Variants in GALNT5 observed in about 807,000 individuals in gnomAD.
The protein encoded by GALNT5 is polypeptide N-acetylgalactosaminyltransferase 5, also known as UDP-GalNAc:polypeptide N-acetylgalactosaminyltransferase 5.
Under a neutral mutation model 85.4 loss-of-function variants are expected in GALNT5, and 72 were observed. That is an observed-to-expected ratio of 0.84 (90% CI 0.70 to 1.03). The LOEUF is 1.03. Among genes scored for constraint, GALNT5 ranks in the 50% least tolerant of loss-of-function variants. The probability of loss-of-function intolerance (pLI) is 0.00; values close to 1 mark genes in which losing one functional copy is unlikely to be tolerated. For synonymous variants in GALNT5, 404 were observed against 397.0 expected, an observed-to-expected ratio of 1.02 and a Z score of -0.21; for missense variants, 1,137 against 1,135.5, an observed-to-expected ratio of 1.00 and a Z score of -0.02.
chr2:157,281,422 G>A (rs371167657), intron 1 of GALNT5, among the ~76,000 whole-genome samples: 42 of 152,122 alleles, frequency 2.8e-4, no homozygotes, highest in Non-Finnish European at 4.9e-4. Context: ...GGTAGAGGCC[G>A]GAAGAATTCT....
Position 157,258,321 on chromosome 2 carries a change from G to C in GALNT5, c.239G>C (p.Gly80Ala). 6.3e-7 allele frequency: 1 copy of C among 1,598,134 alleles called. No individual in the cohort carries two copies. Among genetic ancestry groups the C allele is most frequent in the Non-Finnish European group, 8.5e-7 (1 of 1,174,174 alleles). ...SIKEMKPPLR[G>A]HGKGAWGKEN... ...AAAGAGATGAAACCTCCCCTAAGGG[G>C]ACATGGGAAAGGGGCATGGGGCAAA... Residue 80 changes from glycine (G) to alanine (A), a missense_variant, in exon 1 of 10, where the codon GGA becomes GCA. Gly to Ala is a moderately conservative substitution (Grantham distance 60, BLOSUM62 0). Coordinates refer to ENST00000259056, the MANE Select transcript of GALNT5 (RefSeq NM_014568.3).
At position 157,258,711 on chromosome 2, in the gene GALNT5, T is replaced by C; in HGVS notation, c.629T>C (p.Leu210Pro). The C allele has an allele frequency of 6.2e-7, 1 of 1,613,816 alleles. No homozygotes were observed. The highest frequency in any genetic ancestry group is 8.5e-7 in the Non-Finnish European group (1 of 1,179,954). Residue 210 changes from leucine (L) to proline (P), a missense_variant, in exon 1 of 10, where the codon CTA becomes CCA. Leu to Pro is a moderately conservative substitution (Grantham distance 98). Coordinates refer to ENST00000259056, the MANE Select transcript of GALNT5 (RefSeq NM_014568.3). ...AGTCCCAGCAGTGACACATCAAAAC[T>C]AGCAGCTGAAAGGGACTTGAATGTG... ...SHSPSSDTSK[L>P]AAERDLNVTI...
At chr2:157,259,659 CA>C (rs1682294474) in intron 1 of GALNT5, 123 bp downstream of exon 1, 2 of 620,400 alleles carry the variant, frequency 3.2e-6, no homozygotes, top group African/African-American at 3.8e-5. Flanking sequence ...AAACATTAAT[CA>C]TTGGATATCA....
chr2:157,295,643 G>T lies in GALNT5; in HGVS notation c.1742-20G>T, dbSNP rs750105310. 2.7e-5 allele frequency: 43 copies of T among 1,600,726 alleles called. No homozygotes were observed. Among genetic ancestry groups the T allele is most frequent in the Non-Finnish European group, 3.3e-5 (39 of 1,172,970 alleles). ...ATATATCGTATTTTCTAAGTTTTTT[G>T]TGTGTGTTTGGCCCTCTAGGTGATG... On this transcript the variant is annotated intron_variant, in intron 3 of 9. Transcript: ENST00000259056.
chr2:157,306,811 A>G (rs1264806965), intron 8 of GALNT5, among the ~76,000 whole-genome samples: 2 of 152,196 alleles, frequency 1.3e-5, no homozygotes, highest in African/African-American at 4.8e-5. Context: ...TGCTATATTT[A>G]GCTGTGAATT....
intron 1 of GALNT5, among the ~76,000 whole-genome samples, chr2:157,277,513 G>A (rs1682759293): frequency 6.6e-6 from 1 of 152,150 alleles, no homozygotes; most frequent in Admixed American, 6.5e-5. Context: ...CCTGTATTGG[G>A]TGCATATATA....
chr2:157,259,423 C>T lies in GALNT5; in HGVS notation c.1341C>T (p.Val447=), dbSNP rs774456628. The T allele has an allele frequency of 2.7e-6, 4 of 1,477,394 alleles. No individual in the cohort carries two copies. The Middle Eastern group carries it at 5.5e-4, about 202-fold the overall frequency. 91.5% of individuals were successfully genotyped at this position (1,477,394 alleles called of 1,614,324 possible). Residue 447 remains valine, a synonymous_variant, in exon 1 of 10, where the codon GTC becomes GTT. Transcript: ENST00000259056. ...APGQFGRPVV[V]PHGKEKEAER... ...GGCAGTTTGGGCGTCCTGTAGTTGT[C>T]CCCCATGGAAAGGAGAAGGAGGCAG...
chr2:157,308,684 C>T lies in GALNT5; in HGVS notation c.2638C>T (p.Leu880=), dbSNP rs778823232. The T allele has an allele frequency of 9.3e-6, 15 of 1,613,472 alleles. No individual in the cohort carries two copies. The highest frequency in any genetic ancestry group is 1.1e-5 in the Non-Finnish European group (13 of 1,179,726). Residue 880 remains leucine (L), a synonymous_variant, in exon 9 of 10, where the codon CTA becomes TTA. Transcript: ENST00000259056. The part of the protein sequence containing the change: ...LHPCDNRNKG[L]KWLHKSTSVF... ...CCCTTGTGATAACAGAAACAAAGGGCTAAAATGGCTGCATAAATCAACATC... is the reference window on the plus strand; with the variant it reads ...CCCTTGTGATAACAGAAACAAAGGGTTAAAATGGCTGCATAAATCAACATC...
At chr2:157,281,600 C>G (rs1682856128) in intron 1 of GALNT5, among the ~76,000 whole-genome samples, 1 of 150,928 alleles carries the variant, frequency 6.6e-6, no homozygotes, top group African/African-American at 2.5e-5. Context: ...GAGCAAGACT[C>G]TATTTCAGAA....
At chr2:157,303,366 T>G (rs1683382721) in intron 7 of GALNT5, among the ~76,000 whole-genome samples, 1 of 152,220 alleles carries the variant, frequency 6.6e-6, no homozygotes, top group South Asian at 2.1e-4. Context: ...TAATGTATTT[T>G]TACACTGGAT....
chr2:157,296,330 CGATAAA>C, intron 4 of GALNT5, 58 bp from the exon 5 acceptor site: 4 of 1,325,864 alleles, frequency 3.0e-6, no homozygotes, highest in African/African-American at 1.5e-5. Flanking sequence ...GAAGCCAAAT[CGATAAA>C]GTATATAAAG....
intron 1 of GALNT5, among the ~76,000 whole-genome samples, chr2:157,267,100 G>GA (rs1682473118): frequency 6.6e-6 from 1 of 152,086 alleles, no homozygotes; most frequent in South Asian, 2.1e-4. Flanking sequence ...GGACTGTTGG[G>GA]AAAAAGGAGA....
rs566669268 is a variant in GALNT5, at chr2:157,299,752, G to A, written c.2115+87G>A. On this transcript the variant is annotated intron_variant, in intron 6 of 9. Coordinates refer to ENST00000259056, the MANE Select transcript of GALNT5 (RefSeq NM_014568.3). The stretch of plus-strand genomic sequence containing the variant: ...TGATTTTACTACCATAATCAGGTAT[G>A]TGACTGCCACTGAGAGGAAATTTCA... The A allele has an allele frequency of 1.3e-4, 89 of 666,638 alleles. No individual in the cohort carries two copies. The East Asian group carries it at 2.3e-3, about 18-fold the overall frequency. 41.3% of individuals were successfully genotyped at this position (666,638 alleles called of 1,614,324 possible).
rs1292694926 is a variant in GALNT5, at chr2:157,317,198, A to ATATAT, written c.*5851_*5852insATATT. On this transcript the variant is annotated 3_prime_UTR_variant, in exon 10 of 10. Transcript: ENST00000259056. ...TGTATATATATATATATATATATAT[A>ATATAT]TTTTTTTTTTTGATGCTTTGATCTG... Among the ~76,000 whole-genome samples, 562 of 132,946 alleles carry ATATAT rather than the reference A, an allele frequency of 4.2e-3. 3 individuals are homozygous for ATATAT. Among genetic ancestry groups the ATATAT allele is most frequent in the Middle Eastern group, 0.012 (3 of 252 alleles). The allele number at this position is 132,946 out of a possible 152,430, so 87.2% of individuals were successfully genotyped here.
chr2:157,260,557 C>T (rs992701285), intron 1 of GALNT5, among the ~76,000 whole-genome samples: 2 of 152,188 alleles, frequency 1.3e-5, no homozygotes, highest in South Asian at 4.1e-4. Context: ...ACTCAGTTCC[C>T]TAAGTCAAAC....
At chr2:157,295,920 T>C in intron 4 of GALNT5, 122 bp downstream of exon 4, 1 of 687,306 alleles carries the variant, frequency 1.5e-6, no homozygotes, top group Non-Finnish European at 2.4e-6. Flanking sequence ...ACAGTTTATC[T>C]ACTTAAATAA....
intron 1 of GALNT5, among the ~76,000 whole-genome samples, chr2:157,274,270 C>T (rs184647513): frequency 3.3e-5 from 5 of 152,190 alleles, no homozygotes; most frequent in African/African-American, 4.8e-5. Context: ...TTAATAGTGC[C>T]GCAATAAACA....
chr2:157,271,337 G>T (rs967824605), intron 1 of GALNT5, among the ~76,000 whole-genome samples: 8 of 152,204 alleles, frequency 5.3e-5, no homozygotes, highest in African/African-American at 1.4e-4. Context: ...AAGTTGAGCA[G>T]GGGTCCTATA....
At chr2:157,262,819 C>CTTTTT (rs535380585) in intron 1 of GALNT5, among the ~76,000 whole-genome samples, 5 of 100,944 alleles carry the variant, frequency 5.0e-5, no homozygotes, top group Non-Finnish European at 5.6e-5. Context: ...TTTCACAACT[C>CTTTTT]TTTTTTTTTT....
Sources: allele counts gnomAD v4.1 joint callset (sites outside exome capture counted in the v4.1 genomes callset), GRCh38; gene constraint gnomAD v4.1.1; transcripts MANE v1.5; gene names NCBI Gene and HGNC (gene_info 2026-07-23, HGNC 2026-07-21).